The following SLC36A1 variants were observed in gnomAD, a reference collection of about 807,000 sequenced individuals.
SLC36A1 encodes solute carrier family 36 member 1.
In SLC36A1, 30 loss-of-function variants were observed where a neutral mutation model predicts 47.5. The observed-to-expected ratio is 0.63, with a 90% confidence interval of 0.47 to 0.86. The LOEUF is 0.86. Ranked by LOEUF, SLC36A1 falls within the 40% of genes least tolerant of loss-of-function variation. The pLI is 0.00. For missense variants in SLC36A1, 517 were observed against 606.0 expected (o/e 0.85, Z 1.54); for synonymous variants, 255 against 249.7 (o/e 1.02, Z -0.20).
the SLC36A1 span, chr5:151,546,151 A>G: frequency 1.2e-6 from 2 of 1,614,144 alleles, no homozygotes; most frequent in Non-Finnish European, 1.7e-6. Context: ...TTTTGAAAAG[A>G]TGGGGGCACT....
the SLC36A1 span, among the ~76,000 whole-genome samples, chr5:151,362,422 A>C: frequency 2.3e-5 from 3 of 128,416 alleles, no homozygotes; most frequent in Admixed American, 9.1e-5. Flanking sequence ...ATGGAGTCTC[A>C]CTCTGCCTCC....
At chr5:151,464,469 T>C in intron 3 of SLC36A1, 45 bp from the exon 4 acceptor site, 4 of 1,539,684 alleles carry the variant, frequency 2.6e-6, no homozygotes, top group Non-Finnish European at 2.7e-6. Context: ...CTCCTAATTC[T>C]ACCTACTTTT....
chr5:151,548,973 A>G, the SLC36A1 span, among the ~76,000 whole-genome samples: 8 of 152,226 alleles, frequency 5.3e-5, no homozygotes, highest in African/African-American at 1.9e-4. Flanking sequence ...TCTAAGATAC[A>G]TGCATGAAGT....
chr5:151,357,822 TCTG>T, the SLC36A1 span, among the ~76,000 whole-genome samples: 39 of 152,362 alleles, frequency 2.6e-4, no homozygotes, highest in African/African-American at 9.4e-4. Context: ...CTTCCAGAAA[TCTG>T]CTGGTATTCT....
intron 1 of SLC36A1, among the ~76,000 whole-genome samples, chr5:151,458,301 C>CGTGT (rs138441257): frequency 0.032 from 3,384 of 104,548 alleles, 145 homozygotes; most frequent in African/African-American, 0.14. Flanking sequence ...TATACATACA[C>CGTGT]GTGTATATAC....
chr5:151,515,533 C>T, the SLC36A1 span, among the ~76,000 whole-genome samples: 2 of 152,202 alleles, frequency 1.3e-5, no homozygotes, highest in Non-Finnish European at 2.9e-5. Context: ...CTGATCTCCC[C>T]TCCCCAAACC....
chr5:151,406,004 GT>G, the SLC36A1 span, among the ~76,000 whole-genome samples: 1 of 152,198 alleles, frequency 6.6e-6, no homozygotes, highest in Non-Finnish European at 1.5e-5. Flanking sequence ...CCTCTTTTGT[GT>G]TTCAGTGCCT....
the SLC36A1 span, chr5:151,505,295 T>G: frequency 4.0e-6 from 2 of 501,996 alleles, no homozygotes; most frequent in South Asian, 2.8e-5. Context: ...ACCCCGGGAG[T>G]CAATTGTTCC....
the SLC36A1 span, among the ~76,000 whole-genome samples, chr5:151,535,691 G>T: frequency 1.3e-5 from 2 of 152,204 alleles, no homozygotes; most frequent in African/African-American, 4.8e-5. Context: ...CTTGAAGCTG[G>T]TTGGTCAGAC....
At chr5:151,420,077 A>G in the SLC36A1 span, 1 of 152,218 alleles carries the variant, frequency 6.6e-6, no homozygotes, top group Non-Finnish European at 1.5e-5. Context: ...GGCTGAATGG[A>G]AAGATGTATA....
At chr5:151,484,169 A>G (rs896422627) in intron 10 of SLC36A1, among the ~76,000 whole-genome samples, 5 of 152,130 alleles carry the variant, frequency 3.3e-5, no homozygotes, top group African/African-American at 4.8e-5. Flanking sequence ...TGAAGTGCCC[A>G]TATGTCCTGC....
chr5:151,512,865 C>T, the SLC36A1 span: 20 of 507,678 alleles, frequency 3.9e-5, no homozygotes, highest in African/African-American at 9.6e-5. This position sits in a 1 kb window ranked among gnomAD's most constrained non-coding sequence, Gnocchi z 4.1. Context: ...AAACTGAGGC[C>T]GAGAGATGCT....
chr5:151,441,945 C>G (rs944835845), intron 1 of SLC36A1, among the ~76,000 whole-genome samples: 7 of 152,106 alleles, frequency 4.6e-5, no homozygotes, highest in Non-Finnish European at 7.4e-5. Context: ...GTCTCTCCTC[C>G]GCATTCCCAG....
At chr5:151,362,983 G>A in the SLC36A1 span, among the ~76,000 whole-genome samples, 1 of 152,122 alleles carries the variant, frequency 6.6e-6, no homozygotes, top group Admixed American at 6.5e-5. Context: ...CCCGTGTACT[G>A]TTATTTCTTG....
chr5:151,401,029 C>T, the SLC36A1 span, among the ~76,000 whole-genome samples: 4 of 151,878 alleles, frequency 2.6e-5, no homozygotes, highest in African/African-American at 9.7e-5. Context: ...TTAATTAGGT[C>T]TCACTTGTCA....
chr5:151,523,186 C>T, the SLC36A1 span, among the ~76,000 whole-genome samples: 2 of 151,798 alleles, frequency 1.3e-5, no homozygotes, highest in Non-Finnish European at 2.9e-5. Flanking sequence ...TGCATAACAC[C>T]GAAGAGATAT....
chr5:151,467,483 C>CT (rs901794116), intron 6 of SLC36A1, among the ~76,000 whole-genome samples, 200 bp downstream of exon 6: 24 of 152,278 alleles, frequency 1.6e-4, no homozygotes, highest in African/African-American at 5.3e-4. Flanking sequence ...CGCCACATGT[C>CT]TTGTCGACCC....
the SLC36A1 span, chr5:151,380,511 A>T: frequency 4.0e-6 from 2 of 499,334 alleles, no homozygotes; most frequent in Admixed American, 4.2e-5. Flanking sequence ...GCCCTGCGGC[A>T]GTTCGTGTGT....
the SLC36A1 span, chr5:151,545,468 G>C: frequency 1.2e-6 from 2 of 1,614,068 alleles, no homozygotes; most frequent in African/African-American, 2.7e-5. Flanking sequence ...TCCATGCCTG[G>C]ATGGATAGGC....
Sources: allele counts gnomAD v4.1 joint callset (sites outside exome capture counted in the v4.1 genomes callset), GRCh38; gene constraint gnomAD v4.1.1; non-coding constraint Gnocchi (gnomAD v3.1); transcripts MANE v1.5; gene names NCBI Gene and HGNC (gene_info 2026-07-23, HGNC 2026-07-21).